The following CRLF3 variants were observed in gnomAD, a reference collection of about 807,000 sequenced individuals.
The protein encoded by CRLF3 is cytokine receptor like factor 3, also known as cytokine receptor-like factor 3.
In CRLF3, 33 loss-of-function variants were observed where a neutral mutation model predicts 55.0. The observed-to-expected ratio is 0.60, with a 90% CI of 0.46 to 0.80. CRLF3 has a LOEUF of 0.80. Ranked by LOEUF, CRLF3 falls within the 30% of genes least tolerant of loss-of-function variation. CRLF3 has a pLI of 0.00. For missense variants in CRLF3, 494 were observed against 538.4 expected (o/e 0.92, Z 0.82); for synonymous variants, 238 against 196.8 (o/e 1.21, Z -1.75).
At chr17:30,806,770 C>G (rs1348059998) in intron 1 of CRLF3, among the ~76,000 whole-genome samples, 1 of 152,062 alleles carries the variant, frequency 6.6e-6, no homozygotes, top group Non-Finnish European at 1.5e-5. Context: ...AGTAGCTGAG[C>G]TTATAGGTGC....
intron 1 of CRLF3, among the ~76,000 whole-genome samples, chr17:30,817,185 C>T (rs942526509): frequency 6.6e-6 from 1 of 152,150 alleles, no homozygotes; most frequent in African/African-American, 2.4e-5. Context: ...CGCTTGTAAT[C>T]CTAGCACTTT....
chr17:30,814,656 CAAAA>C (rs748564150), intron 1 of CRLF3, among the ~76,000 whole-genome samples: 1 of 122,082 alleles, frequency 8.2e-6, no homozygotes, highest in African/African-American at 3.1e-5. Flanking sequence ...GACTCCACCT[CAAAA>C]AAAAAAAAAA....
intron 2 of CRLF3, 174 bp downstream of exon 2, chr17:30,803,727 C>T (rs545305277): frequency 7.6e-5 from 48 of 628,694 alleles, no homozygotes; most frequent in South Asian, 7.6e-5. Context: ...TCTTGTCTGC[C>T]GCCATGTGAG....
chr17:30,791,877 G>A (rs180832481), intron 6 of CRLF3, among the ~76,000 whole-genome samples: 69 of 145,726 alleles, frequency 4.7e-4, no homozygotes, highest in Admixed American at 1.7e-3. Flanking sequence ...ACACAGTTTC[G>A]CTCTTGTTGC....
At chr17:30,791,289 T>C (rs1243642276) in intron 6 of CRLF3, among the ~76,000 whole-genome samples, 1 of 151,972 alleles carries the variant, frequency 6.6e-6, no homozygotes, top group South Asian at 2.1e-4. Flanking sequence ...CAGGGTGGTG[T>C]CTTGATCTCC....
intron 1 of CRLF3, among the ~76,000 whole-genome samples, chr17:30,816,724 C>T (rs1307751505): frequency 6.6e-6 from 1 of 151,914 alleles, no homozygotes; most frequent in Non-Finnish European, 1.5e-5. Context: ...CTTCTGGGCT[C>T]GAGATCTTCC....
chr17:30,791,119 G>C (rs759297476), intron 6 of CRLF3, among the ~76,000 whole-genome samples: 1 of 151,740 alleles, frequency 6.6e-6, no homozygotes, highest in African/African-American at 2.4e-5. Context: ...GTCTTGCCCT[G>C]TTGCCAGGCT....
chr17:30,803,919 C>G lies in CRLF3; in HGVS notation c.319G>C (p.Glu107Gln). Residue 107 changes from glutamate to glutamine, a missense_variant, in exon 2 of 8, where the codon GAG becomes CAG. Glu to Gln is a conservative substitution (Grantham distance 29). Transcript: ENST00000324238. ...KLIEHGVNTA[E>Q]DLVREGEIAM... ...CCCCCACCTTCTCGGACTAAGTCCTCTGCAGTGTTGACTCCGTGTTCTATG... is the reference window on the plus strand; with the variant it reads ...CCCCCACCTTCTCGGACTAAGTCCTGTGCAGTGTTGACTCCGTGTTCTATG... 6.2e-7 allele frequency: 1 copy of G among 1,612,032 alleles called. No homozygotes were observed. Among genetic ancestry groups the G allele is most frequent in the Non-Finnish European group, 8.5e-7 (1 of 1,179,800 alleles).
intron 6 of CRLF3, chr17:30,786,272 C>G (rs2142240205): frequency 3.1e-6 from 1 of 326,928 alleles, no homozygotes; most frequent in African/African-American, 2.2e-5. Flanking sequence ...CGGAGTCTCG[C>G]TCTGTCACCC....
At chr17:30,806,068 A>C (rs950552934) in intron 1 of CRLF3, among the ~76,000 whole-genome samples, 3 of 152,064 alleles carry the variant, frequency 2.0e-5, no homozygotes, top group Non-Finnish European at 4.4e-5. Flanking sequence ...AACAAACAAA[A>C]AAACTCATGG....
intron 4 of CRLF3, among the ~76,000 whole-genome samples, chr17:30,795,772 C>CA (rs1190462338): frequency 1.3e-5 from 2 of 151,810 alleles, no homozygotes; most frequent in African/African-American, 2.4e-5. Flanking sequence ...CTCGTCTCTA[C>CA]AAAAAATACA....
In CRLF3 at chr17:30,784,200, A is replaced by C. The variant is rs1281221718; in HGVS notation, c.1316T>G (p.Val439Gly). ...GCSFFYPGWKVLVF is the reference protein window; with the variant it reads ...GCSFFYPGWKGLVF ...GCACCCAAACATCTAAAACACTAAC[A>C]CTTTCCATCCAGGATAGAAAAATGA... The change falls in exon 8 of 8, where the codon GTG becomes GGG. Residue 439 changes from valine (V) to glycine (G), a missense_variant. By Grantham distance (109) the Val-to-Gly change is moderately radical. Transcript: ENST00000324238. 1 of 1,613,660 alleles carries C rather than the reference A, an allele frequency of 6.2e-7. No homozygotes were observed. The highest frequency in any genetic ancestry group is 2.2e-5 in the East Asian group (1 of 44,876).
intron 1 of CRLF3, among the ~76,000 whole-genome samples, chr17:30,811,553 C>T (rs1473111946): frequency 6.6e-6 from 1 of 151,488 alleles, no homozygotes; most frequent in Non-Finnish European, 1.5e-5. Flanking sequence ...CCTGTAATCC[C>T]AGCACTTTGG....
At chr17:30,807,118 G>C (rs145764304) in intron 1 of CRLF3, among the ~76,000 whole-genome samples, 186 of 152,026 alleles carry the variant, frequency 1.2e-3, no homozygotes, top group African/African-American at 4.1e-3. Flanking sequence ...TCGCTTAATG[G>C]GAAAATTCTA....
chr17:30,810,030 T>C (rs1209941203), intron 1 of CRLF3: 1 of 152,182 alleles, frequency 6.6e-6, no homozygotes, highest in Admixed American at 6.6e-5. Flanking sequence ...GTATAACACG[T>C]AGTATTTCCT....
intron 1 of CRLF3, among the ~76,000 whole-genome samples, chr17:30,814,214 G>A (rs1904711666): frequency 1.3e-5 from 2 of 152,112 alleles, no homozygotes; most frequent in Admixed American, 1.3e-4. Context: ...CCGAGACTGA[G>A]ACACTGCACT....
chr17:30,820,836 A>G lies in CRLF3; in HGVS notation c.129+3687T>C, dbSNP rs975893760. On this transcript the variant is annotated intron_variant, in intron 1 of 7. Coordinates refer to ENST00000324238, the MANE Select transcript of CRLF3 (RefSeq NM_015986.4). ...GCGAGACTCTCTCAAAAAAAAAAAA[A>G]AAAAAAAAGGAAGAAACTGTCTGGG... 2.6e-5 allele frequency among the ~76,000 whole-genome samples: 4 copies of G among 151,224 alleles called. No homozygotes were observed. The East Asian group carries it at 5.8e-4, about 22-fold the overall frequency.
rs1436197711 is a variant in CRLF3, at chr17:30,793,842, CCTT to C, written c.604-173_604-171del. On this transcript the variant is annotated intron_variant, in intron 4 of 7. Coordinates refer to ENST00000324238, the MANE Select transcript of CRLF3 (RefSeq NM_015986.4). ...AAATATGCCATCACATCATTATCTC[CCTT>C]CTTTTTTTTTTGAGAAAGGGTCTCA... 4.6e-5 allele frequency among the ~76,000 whole-genome samples: 7 copies of C among 151,756 alleles called. No individual in the cohort carries two copies. In the South Asian group the frequency reaches 8.3e-4, roughly 18 times the overall value.
intron 6 of CRLF3, among the ~76,000 whole-genome samples, chr17:30,788,956 A>C (rs1253268312): frequency 6.6e-6 from 1 of 152,074 alleles, no homozygotes; most frequent in Non-Finnish European, 1.5e-5. Context: ...TAGGCCCTTA[A>C]GTACCCTCAA....
Sources: gnomAD v4.1 joint callset for allele counts (sites outside exome capture counted in the v4.1 genomes callset) on GRCh38, gnomAD v4.1.1 for gene constraint, MANE v1.5 for transcripts, NCBI Gene and HGNC (gene_info 2026-07-23, HGNC 2026-07-21) for gene names.